DOCK5: variants seen among roughly 807,000 people sequenced by gnomAD.
DOCK5 encodes dedicator of cytokinesis 5, also known as dedicator of cytokinesis protein 5.
In DOCK5, 142 loss-of-function variants were observed where a neutral mutation model predicts 251.8. The observed-to-expected ratio is 0.56, with a 90% CI of 0.49 to 0.65. The LOEUF (loss-of-function observed/expected upper bound fraction) is 0.65, where lower values mean the gene tolerates loss of function less well. Ranked by LOEUF, DOCK5 falls within the 30% of genes least tolerant of loss-of-function variation. The pLI is 0.00. For missense variants in DOCK5, 2,111 were observed against 2,312.3 expected (o/e 0.91, Z 1.79); for synonymous variants, 842 against 835.5 (o/e 1.01, Z -0.13).
intron 40 of DOCK5, chr8:25,388,709 A>ACTTC (rs1467978137): frequency 5.3e-6 from 1 of 190,326 alleles, no homozygotes; most frequent in Non-Finnish European, 1.1e-5. Flanking sequence ...AAATTAATGC[A>ACTTC]CTTCCTTCCT....
intron 5 of DOCK5, among the ~76,000 whole-genome samples, chr8:25,288,040 C>T (rs931545019): frequency 1.3e-5 from 2 of 151,990 alleles, no homozygotes; most frequent in African/African-American, 2.4e-5. Flanking sequence ...TACCCGCCAC[C>T]ACACCCAGCT....
intron 30 of DOCK5, among the ~76,000 whole-genome samples, chr8:25,366,014 A>T (rs767081343): frequency 1.3e-5 from 2 of 152,180 alleles, no homozygotes; most frequent in Non-Finnish European, 2.9e-5. Context: ...TCCTTTTTCA[A>T]TGATCTGTGA....
intron 18 of DOCK5, among the ~76,000 whole-genome samples, chr8:25,326,520 G>C (rs182640392): frequency 1.9e-4 from 29 of 152,298 alleles, no homozygotes; most frequent in Admixed American, 1.7e-3. Flanking sequence ...GCAAGTAAAA[G>C]CATCCTCACC....
At chr8:25,290,437 G>A (rs1210128855) in intron 5 of DOCK5, among the ~76,000 whole-genome samples, 3 of 152,196 alleles carry the variant, frequency 2.0e-5, no homozygotes, top group Admixed American at 6.5e-5. Flanking sequence ...AGTTTGTGAT[G>A]GCTTAGGTGT....
chr8:25,274,760 C>T (rs984018257), intron 3 of DOCK5, among the ~76,000 whole-genome samples: 7 of 151,760 alleles, frequency 4.6e-5, no homozygotes, highest in South Asian at 2.1e-4. Flanking sequence ...GTAGTTGACC[C>T]GTGAAAAATA....
intron 18 of DOCK5, among the ~76,000 whole-genome samples, chr8:25,331,028 A>T (rs2117215473): frequency 6.6e-6 from 1 of 152,214 alleles, no homozygotes; most frequent in Admixed American, 6.5e-5. Context: ...GGTTGCAATG[A>T]GCTGAGATTG....
chr8:25,408,706 T>G, intron 49 of DOCK5, 96 bp from the exon 50 acceptor site: 1 of 1,477,210 alleles, frequency 6.8e-7, no homozygotes, highest in Non-Finnish European at 9.3e-7. Context: ...TAAGTCCTTT[T>G]CCAAGTGTCT....
intron 17 of DOCK5, 122 bp from the exon 18 acceptor site, chr8:25,325,242 A>G (rs555408059): frequency 8.2e-5 from 80 of 974,736 alleles, no homozygotes; most frequent in Middle Eastern, 4.8e-4. Flanking sequence ...GGTGGAAGGG[A>G]TCTTCAGGAT....
intron 17 of DOCK5, among the ~76,000 whole-genome samples, chr8:25,324,366 C>A (rs1334162708): frequency 1.3e-5 from 2 of 152,176 alleles, no homozygotes; most frequent in African/African-American, 4.8e-5. Flanking sequence ...CATACTATTT[C>A]TGTGCTCTGG....
At chr8:25,393,472 C>T (rs11781533) in intron 44 of DOCK5, among the ~76,000 whole-genome samples, 53,014 of 151,946 alleles carry the variant, frequency 0.35, 9,361 homozygotes, top group Non-Finnish European at 0.36. Context: ...CTCCAAGTAC[C>T]TGGAGTATAA....
chr8:25,368,701 C>T lies in DOCK5; in HGVS notation c.3414C>T (p.Phe1138=), dbSNP rs145256227. ...FFDMMQCEFN[F]SGNGNFHMFE... is the part of the protein sequence containing the mutation. The stretch of plus-strand genomic sequence containing the variant: ...ATATGATGCAGTGTGAGTTCAATTT[C>T]AGTGGAAATGGCAATTTCCATATGG... The change falls in exon 33 of 52, where the codon TTC becomes TTT. Residue 1138 remains phenylalanine, a synonymous_variant. Transcript: ENST00000276440. The T allele has an allele frequency of 2.5e-6, 4 of 1,613,210 alleles. No individual in the cohort carries two copies. Among genetic ancestry groups the T allele is most frequent in the Non-Finnish European group, 3.4e-6 (4 of 1,179,656 alleles).
rs774509784 is a variant in DOCK5, at chr8:25,408,095, G to C, written c.5206G>C (p.Asp1736His). ...ENRISKFKRK[D>H]WSLSKSQVIA... Reference sequence around the variant, plus strand: ...CCGGATCAGCAAGTTTAAGAGAAAAGACTGGAGTCTGAGCAAGTCCCAGGT... The same window carrying C: ...CCGGATCAGCAAGTTTAAGAGAAAACACTGGAGTCTGAGCAAGTCCCAGGT... The change falls in exon 49 of 52, where the codon GAC (aspartate) becomes CAC (histidine). Residue 1736 changes from aspartate (D) to histidine (H), a missense_variant. By Grantham distance (81) the Asp-to-His change is moderately conservative (BLOSUM62 -1). Around this residue, in one of 3 missense-constraint regions of DOCK5, gnomAD observed 1,717 missense variants for 1,892.4 expected, o/e 0.91. Coordinates refer to ENST00000276440, the MANE Select transcript of DOCK5 (RefSeq NM_024940.8). 6.2e-7 allele frequency: 1 copy of C among 1,602,126 alleles called. No homozygotes were observed. Among genetic ancestry groups the C allele is most frequent in the South Asian group, 1.1e-5 (1 of 88,824 alleles).
intron 34 of DOCK5, 118 bp downstream of exon 34, chr8:25,369,759 C>G (rs949509026): frequency 1.3e-5 from 10 of 753,888 alleles, no homozygotes; most frequent in Admixed American, 1.0e-4. Flanking sequence ...AGGGCCACCC[C>G]CACTGTGGTC....
chr8:25,369,633 G>A lies in DOCK5; in HGVS notation c.3516G>A (p.Leu1172=). The A allele has an allele frequency of 6.2e-7, 1 of 1,607,276 alleles. No homozygotes were observed. The highest frequency in any genetic ancestry group is 1.1e-5 in the South Asian group (1 of 89,562). Residue 1172 remains leucine, a synonymous_variant, in exon 34 of 52, where the codon CTG becomes CTA. Transcript: ENST00000276440. ...GAGACGAACAATACAAGGTTCTTCT[G>A]GAAAAACTGTGAGTATTTCAGGAAC... ...GRGDEQYKVL[L]EKLLLEHCRK...
chr8:25,228,027 G>T (rs1316264069), intron 1 of DOCK5, among the ~76,000 whole-genome samples: 1 of 152,052 alleles, frequency 6.6e-6, no homozygotes, highest in Non-Finnish European at 1.5e-5. Context: ...TGGGACCACA[G>T]ACATGCACCA....
At chr8:25,267,163 C>G (rs1383463816) in intron 2 of DOCK5, among the ~76,000 whole-genome samples, 1 of 152,102 alleles carries the variant, frequency 6.6e-6, no homozygotes, top group Non-Finnish European at 1.5e-5. Context: ...ACCTTGAGAC[C>G]TGGGGAGAAA....
At chr8:25,257,922 T>C (rs1586271616) in intron 2 of DOCK5, among the ~76,000 whole-genome samples, 1 of 152,048 alleles carries the variant, frequency 6.6e-6, no homozygotes, top group East Asian at 1.9e-4. Flanking sequence ...TTGGATAAGC[T>C]AGAGAAATGC....
At chr8:25,202,105 C>T (rs1316661078) in intron 1 of DOCK5, among the ~76,000 whole-genome samples, 1 of 152,130 alleles carries the variant, frequency 6.6e-6, no homozygotes, top group Non-Finnish European at 1.5e-5. Context: ...CAATCTCTGC[C>T]TCCCGGGTTC....
At chr8:25,326,619 C>T (rs1193435969) in intron 18 of DOCK5, among the ~76,000 whole-genome samples, 2 of 152,320 alleles carry the variant, frequency 1.3e-5, no homozygotes, top group African/African-American at 4.8e-5. Flanking sequence ...TAACAATGAA[C>T]TGCTGGTAGG....
Sources: gnomAD v4.1 joint callset for allele counts (sites outside exome capture counted in the v4.1 genomes callset) on GRCh38, gnomAD v4.1.1 for gene constraint, gnomAD v4.1.1 regional missense constraint, MANE v1.5 for transcripts, NCBI Gene and HGNC (gene_info 2026-07-23, HGNC 2026-07-21) for gene names.